The following HM13 variants were observed in gnomAD, a reference collection of about 807,000 sequenced individuals.
The protein encoded by HM13 is histocompatibility minor 13.
A neutral mutation model predicts 50.0 loss-of-function variants in HM13; 18 were observed. The ratio of observed to expected loss-of-function variants is 0.36; its 90% CI spans 0.25 to 0.53. HM13 has a LOEUF of 0.53. Ranked by LOEUF, HM13 falls within the 20% of genes least tolerant of loss-of-function variation. The pLI, the probability that HM13 is intolerant of heterozygous loss-of-function variation, is 0.90. For synonymous variants in HM13, 197 were observed against 232.6 expected, an observed-to-expected ratio of 0.85 and a Z score of 1.39; for missense variants, 393 against 552.4, an observed-to-expected ratio of 0.71 and a Z score of 2.89.
rs752151446 is a variant in HM13 at position 31,568,114 on chromosome 20, G to A, written c.1071G>A (p.Pro357=). The change falls in exon 12 of 13, where the codon CCG becomes CCA. Residue 357 remains proline (P), a synonymous_variant. Coordinates refer to ENST00000398174, the MANE Select transcript of HM13 (RefSeq NM_178581.3). ...CGGCGGAAATCCTGCCTCATACCCC[G>A]AGGCTCACCCACTTCCCCACAGTCT... ...ESSAEILPHT[P]RLTHFPTVSG... is the part of the protein sequence containing the mutation. 3.7e-6 allele frequency: 6 copies of A among 1,612,582 alleles called. No individual in the cohort carries two copies. The highest frequency in any genetic ancestry group is 1.7e-5 in the Admixed American group (1 of 59,854).
chr20:31,553,517 C>T (rs1190325858), intron 7 of HM13, among the ~76,000 whole-genome samples: 1 of 152,086 alleles, frequency 6.6e-6, no homozygotes, highest in African/African-American at 2.4e-5. Context: ...GGGGTCAGTT[C>T]TGTTGTCTAC....
At position 31,514,747 on chromosome 20, in the gene HM13, G is replaced by A. The variant is rs1392666797; in HGVS notation, c.183+13G>A. The A allele has an allele frequency of 1.9e-5, 29 of 1,512,066 alleles. No individual in the cohort carries two copies. Among genetic ancestry groups the A allele is most frequent in the Non-Finnish European group, 2.3e-5 (26 of 1,131,502 alleles). 93.7% of individuals were successfully genotyped at this position (1,512,066 alleles called of 1,614,324 possible). ...CGCCCGCGGCAAGGTAGGGTCAGCG[G>A]GAAAACCGGGCACTTTCCACCCCCA... On this transcript the variant is annotated intron_variant, in intron 1 of 12. Coordinates refer to ENST00000398174, the MANE Select transcript of HM13 (RefSeq NM_178581.3). The surrounding 1 kb of genome is among the most constrained non-coding windows in gnomAD (Gnocchi z 4.3).
intron 4 of HM13, among the ~76,000 whole-genome samples, chr20:31,545,664 GT>G (rs1983671024): frequency 1.3e-5 from 2 of 152,134 alleles, no homozygotes; most frequent in Admixed American, 1.3e-4. Context: ...TTGTAGGTTA[GT>G]TAGGGTATGG....
intron 10 of HM13, among the ~76,000 whole-genome samples, chr20:31,563,814 C>T (rs1453139576): frequency 1.3e-5 from 2 of 152,060 alleles, no homozygotes; most frequent in African/African-American, 4.8e-5. Context: ...TGGTGGCTCA[C>T]ACCTGTAATC....
chr20:31,525,663 T>G (rs1982439847), intron 1 of HM13, among the ~76,000 whole-genome samples: 2 of 151,750 alleles, frequency 1.3e-5, no homozygotes, highest in African/African-American at 4.8e-5. Flanking sequence ...ACTAGGCCCT[T>G]GAGGACTGTG....
intron 1 of HM13, among the ~76,000 whole-genome samples, chr20:31,524,042 T>G (rs1982337010): frequency 6.6e-6 from 1 of 152,282 alleles, no homozygotes; most frequent in African/African-American, 2.4e-5. Flanking sequence ...GTACTTTAGT[T>G]TGCCAGGCTG....
Position 31,550,077 on chromosome 20 carries a change from A to G in HM13, c.680A>G (p.Asn227Ser), listed in dbSNP as rs774831148. ...TTCTCCTTCTAGGTATTTGGCACCA[A>G]TGTGATGGTGACAGTGGCCAAGTCC... ...IYDVFWVFGTNVMVTVAKSFE... is the reference protein window; with the variant it reads ...IYDVFWVFGTSVMVTVAKSFE... Residue 227 changes from asparagine to serine, a missense_variant, in exon 7 of 13, where the codon AAT (asparagine) becomes AGT (serine). Asn to Ser is a conservative substitution (Grantham distance 46, BLOSUM62 1). Transcript: ENST00000398174. The G allele has an allele frequency of 1.9e-6, 3 of 1,613,404 alleles. No individual in the cohort carries two copies. The highest frequency in any genetic ancestry group is 2.5e-6 in the Non-Finnish European group (3 of 1,179,556).
Position 31,561,628 on chromosome 20 carries a change from C to T in HM13, c.846-6C>T. 1.9e-6 allele frequency: 3 copies of T among 1,594,468 alleles called. No individual in the cohort carries two copies. Among genetic ancestry groups the T allele is most frequent in the Non-Finnish European group, 2.6e-6 (3 of 1,162,164 alleles). On this transcript the variant is annotated splice_polypyrimidine_tract_variant and splice_region_variant and intron_variant, in intron 9 of 12. Transcript: ENST00000398174. ...CTCCTCCTCTTTCTTCACACCTTCC[C>T]TGCAGCTTGAAGAAGAATACCCACA...
rs1032001573 is a variant in HM13 at position 31,565,796 on chromosome 20, T to A, written c.949-414T>A. Among the ~76,000 whole-genome samples the A allele has an allele frequency of 3.3e-5, 5 of 152,278 alleles. No homozygotes were observed. In the East Asian group the frequency reaches 9.7e-4, roughly 29 times the overall value. On this transcript the variant is annotated intron_variant, in intron 10 of 12. Transcript: ENST00000398174. ...TAATACAGGCTGCAACAAGTAGTTA[T>A]TACATAGCAGCTGTGGTGTCATCAT... is the stretch of plus-strand genomic sequence containing the variant.
intron 8 of HM13, 84 bp from the exon 9 acceptor site, chr20:31,559,527 G>C (rs1984496966): frequency 1.5e-6 from 2 of 1,343,290 alleles, no homozygotes; most frequent in Non-Finnish European, 2.1e-6. Context: ...TGGAACACCA[G>C]GTTGGGGACC....
At chr20:31,547,394 G>A in intron 4 of HM13, 1 of 430,436 alleles carries the variant, frequency 2.3e-6, no homozygotes, top group Non-Finnish European at 4.2e-6. Context: ...CAACGGCTCT[G>A]ACCGTCTGGC....
intron 3 of HM13, chr20:31,538,598 G>A (rs1893379897): frequency 2.4e-6 from 3 of 1,266,012 alleles, no homozygotes; most frequent in South Asian, 2.9e-5. Flanking sequence ...TGGCCTAGCT[G>A]TGTGCTAAGT....
intron 4 of HM13, chr20:31,547,535 T>C: frequency 1.2e-6 from 1 of 829,692 alleles, no homozygotes; most frequent in Non-Finnish European, 2.0e-6. Flanking sequence ...AAGGAAAGTG[T>C]GTCCAACTGC....
intron 10 of HM13, chr20:31,563,077 C>A (rs1984707348): frequency 6.6e-6 from 1 of 152,314 alleles, no homozygotes; most frequent in Admixed American, 6.5e-5. Context: ...ACACAGGAGT[C>A]CTCTCCTTTA....
intron 8 of HM13, among the ~76,000 whole-genome samples, chr20:31,559,346 T>G (rs1370883783): frequency 1.3e-5 from 2 of 152,196 alleles, no homozygotes; most frequent in Non-Finnish European, 2.9e-5. Context: ...GATAAGCATT[T>G]GGGCAGACAC....
intron 9 of HM13, among the ~76,000 whole-genome samples, chr20:31,561,061 T>G (rs1422373099): frequency 2.0e-5 from 3 of 152,238 alleles, no homozygotes; most frequent in Non-Finnish European, 4.4e-5. Flanking sequence ...AGGAAGCCAC[T>G]GGCATTTATT....
At chr20:31,535,210 A>G (rs1340362855) in intron 2 of HM13, 2 of 152,250 alleles carry the variant, frequency 1.3e-5, no homozygotes, top group Admixed American at 6.5e-5. Context: ...AATTTGCACA[A>G]TATAGTAATA....
At chr20:31,527,165 C>T (rs1982535859) in intron 1 of HM13, among the ~76,000 whole-genome samples, 1 of 152,122 alleles carries the variant, frequency 6.6e-6, no homozygotes, top group Non-Finnish European at 1.5e-5. Flanking sequence ...TGGTAAAACT[C>T]CATCTCTGCT....
intron 2 of HM13, among the ~76,000 whole-genome samples, chr20:31,533,901 G>C (rs1308911136): frequency 6.6e-6 from 1 of 152,002 alleles, no homozygotes; most frequent in African/African-American, 2.4e-5. Context: ...GTTTTTACAG[G>C]CAGGGTCTTA....
Sources: gnomAD v4.1 joint callset for allele counts (sites outside exome capture counted in the v4.1 genomes callset) on GRCh38, gnomAD v4.1.1 for gene constraint, Gnocchi (gnomAD v3.1) non-coding constraint, MANE v1.5 for transcripts, NCBI Gene and HGNC (gene_info 2026-07-23, HGNC 2026-07-21) for gene names.